Variants in ARHGAP23 observed in about 807,000 individuals in gnomAD.
ARHGAP23 encodes the protein Rho GTPase activating protein 23, also known as rho GTPase-activating protein 23.
In ARHGAP23, 34 loss-of-function variants were observed where a neutral mutation model predicts 136.3. The ratio of observed to expected loss-of-function variants is 0.25; its 90% CI spans 0.19 to 0.33. ARHGAP23 has a LOEUF of 0.33. Among genes scored for constraint, ARHGAP23 ranks in the 10% least tolerant of loss-of-function variants. The pLI is 1.00. For missense variants in ARHGAP23, 1,808 were observed against 2,139.0 expected, an observed-to-expected ratio of 0.85 and a Z score of 3.05; for synonymous variants, 832 against 920.5, an observed-to-expected ratio of 0.90 and a Z score of 1.74.
At chr17:38,487,973 C>T (rs1041883855) in intron 17 of ARHGAP23, among the ~76,000 whole-genome samples, 1 of 152,160 alleles carries the variant, frequency 6.6e-6, no homozygotes, top group African/African-American at 2.4e-5. Context: ...GCAATCATGG[C>T]TCACTGCAGC....
In ARHGAP23 at chr17:38,510,519, G is replaced by A. The variant is rs1469607299; in HGVS notation, c.4023G>A (p.Pro1341=). ...EGAGRGGPRA[P]EPPGSASSSS... is the part of the protein sequence containing the mutation. ...CGGGCCGGGGCGGTCCCCGCGCCCCGGAGCCGCCCGGCTCGGCGTCGTCCA... is the reference window on the plus strand; with the variant it reads ...CGGGCCGGGGCGGTCCCCGCGCCCCAGAGCCGCCCGGCTCGGCGTCGTCCA... Residue 1341 remains proline, a synonymous_variant, in exon 24 of 24, where the codon CCG becomes CCA. Transcript: ENST00000622683. The surrounding 1 kb of genome is among the most constrained non-coding windows in gnomAD (Gnocchi z 4.6). 4 of 1,138,712 alleles carry A rather than the reference G, an allele frequency of 3.5e-6. No individual in the cohort carries two copies. The highest frequency in any genetic ancestry group is 4.3e-6 in the Non-Finnish European group (4 of 930,506). 70.5% of individuals were successfully genotyped at this position (1,138,712 alleles called of 1,614,324 possible). A position where few individuals can be genotyped will look rare whatever the true frequency, so the allele number is the denominator to read the frequency against.
intron 21 of ARHGAP23, among the ~76,000 whole-genome samples, chr17:38,498,073 C>T (rs1220979941): frequency 6.6e-6 from 1 of 151,668 alleles, no homozygotes; most frequent in African/African-American, 2.4e-5. Context: ...AGAGGGAACC[C>T]AGTTCAGGAG....
At chr17:38,499,687 C>T (rs192926542) in intron 22 of ARHGAP23, among the ~76,000 whole-genome samples, 85 of 152,192 alleles carry the variant, frequency 5.6e-4, no homozygotes, top group East Asian at 2.5e-3. Context: ...CCCTGTGTGT[C>T]GTGTGTGGTC....
rs1567812369 is a variant in ARHGAP23, at chr17:38,479,864, C to A, written c.2610C>A (p.Asp870Glu). ...QSAARGLRTQ[D>E]LPAGSKDDSA... ...CGGCACGTGGCCTCAGGACTCAGGA[C>A]CTGCCCGCAGGGAGCAAGGGTAGGA... is the stretch of plus-strand genomic sequence containing the variant. The change falls in exon 14 of 24, where the codon GAC becomes GAA. Residue 870 changes from aspartate (D) to glutamate (E), a missense_variant. Coordinates refer to ENST00000622683, the MANE Select transcript of ARHGAP23 (RefSeq NM_001199417.2). 3 of 1,546,842 alleles carry A rather than the reference C, an allele frequency of 1.9e-6. No individual in the cohort carries two copies. The highest frequency in any genetic ancestry group is 2.5e-5 in the East Asian group (1 of 40,706).
intron 23 of ARHGAP23, among the ~76,000 whole-genome samples, chr17:38,505,470 C>T (rs1412487644): frequency 1.5e-4 from 23 of 152,268 alleles, no homozygotes; most frequent in Non-Finnish European, 1.3e-4. Flanking sequence ...TCTGATTTCC[C>T]CGGCCCTGCC....
At chr17:38,456,429 C>G (rs927699385) in intron 1 of ARHGAP23, among the ~76,000 whole-genome samples, 1 of 152,170 alleles carries the variant, frequency 6.6e-6, no homozygotes, top group African/African-American at 2.4e-5. Flanking sequence ...GCTCCTCACT[C>G]CAGAACTGAT....
intron 9 of ARHGAP23, 51 bp from the exon 10 acceptor site, chr17:38,469,796 A>G: frequency 6.5e-7 from 1 of 1,545,816 alleles, no homozygotes; most frequent in East Asian, 2.4e-5. Context: ...CGAGATAGTG[A>G]GGTCCCAGCT....
intron 1 of ARHGAP23, among the ~76,000 whole-genome samples, chr17:38,441,573 A>G (rs1255927180): frequency 6.6e-6 from 1 of 152,238 alleles, no homozygotes; most frequent in Non-Finnish European, 1.5e-5. Context: ...AGAAACCAGT[A>G]GTGATGAGGC....
chr17:38,495,493 A>G (rs1463136985), intron 20 of ARHGAP23, among the ~76,000 whole-genome samples: 2 of 152,086 alleles, frequency 1.3e-5, no homozygotes, highest in African/African-American at 4.8e-5. Flanking sequence ...TCAGCCTCCC[A>G]AAGTGCTGGG....
intron 17 of ARHGAP23, among the ~76,000 whole-genome samples, chr17:38,488,540 G>C (rs939834599): frequency 1.2e-4 from 19 of 152,106 alleles, no homozygotes; most frequent in African/African-American, 4.3e-4. Context: ...CAAATTTTTT[G>C]TTGTTGTTGT....
Position 38,510,576 on chromosome 17 carries a change from G to A in ARHGAP23, c.4080G>A (p.Ala1360=), listed in dbSNP as rs1427627963. The stretch of plus-strand genomic sequence containing the variant: ...AGGAGTCGCTGCGGCCCCCGGCGGC[G>A]GCGCTGGCCTCCCGGCCCTCGCGCA... ...SSQESLRPPA[A]ALASRPSRME... The change falls in exon 24 of 24, where the codon GCG becomes GCA. Residue 1360 remains alanine (A), a synonymous_variant. Transcript: ENST00000622683. The surrounding 1 kb of genome is among the most constrained non-coding windows in gnomAD (Gnocchi z 4.6). 2.4e-6 allele frequency: 3 copies of A among 1,249,386 alleles called. No individual in the cohort carries two copies. Among genetic ancestry groups the A allele is most frequent in the Non-Finnish European group, 3.0e-6 (3 of 997,686 alleles). 77.4% of individuals were successfully genotyped at this position (1,249,386 alleles called of 1,614,324 possible).
chr17:38,471,883 C>T lies in ARHGAP23; in HGVS notation c.1995C>T (p.Thr665=), dbSNP rs2144673744. Residue 665 remains threonine, a synonymous_variant, in exon 11 of 24, where the codon ACC becomes ACT. Transcript: ENST00000622683. ...TGCAGTCCTTGGATAGCTGGGGCAC[C>T]TCTGAAGATGCTGACGCTCCTTCTA... ...FTDGSLDSWG[T]SEDADAPSKR... 1 of 1,547,690 alleles carries T rather than the reference C, an allele frequency of 6.5e-7. No individual in the cohort carries two copies. Among genetic ancestry groups the T allele is most frequent in the East Asian group, 2.4e-5 (1 of 40,922 alleles).
intron 2 of ARHGAP23, among the ~76,000 whole-genome samples, chr17:38,459,074 C>T (rs751534867): frequency 7.2e-5 from 11 of 152,268 alleles, no homozygotes; most frequent in South Asian, 2.1e-4. Context: ...CCAAAGCCCC[C>T]GACTAGGGCT....
At chr17:38,470,154 C>A (rs934330752) in intron 10 of ARHGAP23, among the ~76,000 whole-genome samples, 1 of 152,218 alleles carries the variant, frequency 6.6e-6, no homozygotes, top group Non-Finnish European at 1.5e-5. Context: ...CAGACCCATC[C>A]CCCATAGCCA....
intron 20 of ARHGAP23, among the ~76,000 whole-genome samples, chr17:38,495,462 A>G (rs2040372051): frequency 6.6e-6 from 1 of 151,900 alleles, no homozygotes; most frequent in African/African-American, 2.4e-5. Context: ...TGAACTCCTG[A>G]CCTCAGCTGA....
chr17:38,426,062 C>T (rs940059977), upstream of ARHGAP23, among the ~76,000 whole-genome samples: 1 of 152,026 alleles, frequency 6.6e-6, no homozygotes, highest in African/African-American at 2.4e-5. Context: ...CGGCCACCAC[C>T]CTCCCTCCTC....
chr17:38,502,966 G>C (rs2040553500), intron 23 of ARHGAP23, among the ~76,000 whole-genome samples: 2 of 152,178 alleles, frequency 1.3e-5, no homozygotes, highest in African/African-American at 4.8e-5. Context: ...GATCATTTGA[G>C]CTTGGGAGGT....
intron 1 of ARHGAP23, among the ~76,000 whole-genome samples, chr17:38,420,725 T>A (rs1407976790): frequency 1.3e-5 from 2 of 152,126 alleles, no homozygotes; most frequent in Admixed American, 1.3e-4. Flanking sequence ...TGGTCCAGTT[T>A]CCAGGCCTGT....
intron 7 of ARHGAP23, among the ~76,000 whole-genome samples, chr17:38,467,956 G>T (rs1312711026): frequency 1.3e-5 from 2 of 152,188 alleles, no homozygotes; most frequent in Non-Finnish European, 2.9e-5. Context: ...TGGACTGGAT[G>T]GCCCAGCAGA....
Sources: allele counts gnomAD v4.1 joint callset (sites outside exome capture counted in the v4.1 genomes callset), GRCh38; gene constraint gnomAD v4.1.1; non-coding constraint Gnocchi (gnomAD v3.1); transcripts MANE v1.5; gene names NCBI Gene and HGNC (gene_info 2026-07-23, HGNC 2026-07-21).